MTUS2: variants seen among roughly 807,000 people sequenced by gnomAD.
The protein encoded by MTUS2 is microtubule-associated tumor suppressor candidate 2.
A neutral mutation model predicts 114.1 loss-of-function variants in MTUS2; 40 were observed. The ratio of observed to expected loss-of-function variants is 0.35; its 90% CI spans 0.27 to 0.46. The LOEUF is 0.46. Ranked by LOEUF, MTUS2 falls within the 20% of genes least tolerant of loss-of-function variation. The pLI is 1.00. For missense variants in MTUS2, 1,679 were observed against 1,705.4 expected (o/e 0.98, Z 0.27); for synonymous variants, 688 against 672.0 (o/e 1.02, Z -0.37).
At chr13:28,872,226 G>T (rs998425157) in intron 2 of MTUS2, among the ~76,000 whole-genome samples, 3 of 152,166 alleles carry the variant, frequency 2.0e-5, no homozygotes, top group African/African-American at 7.2e-5. Context: ...GGATAACTTA[G>T]AGGATGTTTT....
intron 4 of MTUS2, among the ~76,000 whole-genome samples, chr13:29,052,605 A>G (rs1299072990): frequency 2.0e-5 from 3 of 152,234 alleles, no homozygotes; most frequent in Non-Finnish European, 2.9e-5. Context: ...GAAATTTCAG[A>G]GGATAAATAG....
chr13:29,223,200 C>T (rs1047239984), intron 5 of MTUS2, among the ~76,000 whole-genome samples: 15 of 152,230 alleles, frequency 9.9e-5, no homozygotes, highest in Middle Eastern at 3.4e-3. Flanking sequence ...TGAGAACTTA[C>T]GGTGCTTTCT....
chr13:28,889,644 A>AT (rs919471897), intron 2 of MTUS2, among the ~76,000 whole-genome samples: 200 of 151,566 alleles, frequency 1.3e-3, no homozygotes, highest in African/African-American at 4.2e-3. Context: ...AAGAAGAGGG[A>AT]TTTTTTTTTC....
intron 9 of MTUS2, among the ~76,000 whole-genome samples, chr13:29,472,677 GA>G (rs1251223580): frequency 6.6e-6 from 1 of 152,130 alleles, no homozygotes; most frequent in Non-Finnish European, 1.5e-5. Context: ...TATCCTAAAT[GA>G]AAAAAGCAAA....
intron 2 of MTUS2, among the ~76,000 whole-genome samples, chr13:28,961,521 TC>T (rs1206258742): frequency 1.3e-5 from 2 of 152,272 alleles, no homozygotes; most frequent in East Asian, 1.9e-4. Context: ...CATCAACTCT[TC>T]CTTCCCACCA....
chr13:29,228,238 A>T (rs2139349335), intron 5 of MTUS2, among the ~76,000 whole-genome samples: 1 of 152,370 alleles, frequency 6.6e-6, no homozygotes, highest in East Asian at 1.9e-4. Context: ...TACTGTACAG[A>T]CATTAAAGAG....
At chr13:28,837,967 T>C (rs1053293016) in intron 1 of MTUS2, among the ~76,000 whole-genome samples, 4 of 149,128 alleles carry the variant, frequency 2.7e-5, no homozygotes, top group African/African-American at 1.0e-4. Context: ...TCTGATTGGA[T>C]GTGAACAAAA....
chr13:29,002,682 G>A (rs936584236), intron 2 of MTUS2, among the ~76,000 whole-genome samples: 6 of 152,280 alleles, frequency 3.9e-5, no homozygotes, highest in Admixed American at 1.3e-4. Flanking sequence ...CCATTAGATC[G>A]TCATGCTGAG....
At chr13:29,271,651 T>C (rs1434716099) in intron 5 of MTUS2, among the ~76,000 whole-genome samples, 3 of 152,248 alleles carry the variant, frequency 2.0e-5, no homozygotes, top group African/African-American at 7.2e-5. Flanking sequence ...AGCTCGTGTG[T>C]TCATCAGTGA....
intron 7 of MTUS2, among the ~76,000 whole-genome samples, chr13:29,344,766 T>C (rs1479551066): frequency 1.3e-5 from 2 of 152,218 alleles, no homozygotes; most frequent in African/African-American, 4.8e-5. Flanking sequence ...CTGTGAGATT[T>C]ATGCTTTAAG....
At chr13:29,385,102 A>G (rs1872546561) in intron 8 of MTUS2, among the ~76,000 whole-genome samples, 1 of 152,218 alleles carries the variant, frequency 6.6e-6, no homozygotes, top group Non-Finnish European at 1.5e-5. Flanking sequence ...ACAGGCTTCC[A>G]GGCTCCAGTT....
chr13:29,471,719 C>A (rs773241868), intron 9 of MTUS2, among the ~76,000 whole-genome samples: 2 of 150,472 alleles, frequency 1.3e-5, no homozygotes, highest in Non-Finnish European at 2.9e-5. Flanking sequence ...AGCTTATGCT[C>A]CAGCCTCTGC....
intron 2 of MTUS2, among the ~76,000 whole-genome samples, chr13:28,853,892 T>C (rs1310565575): frequency 6.6e-6 from 1 of 152,230 alleles, no homozygotes; most frequent in Non-Finnish European, 1.5e-5. Context: ...TCATAGCTAG[T>C]ATTATAACAG....
chr13:29,465,416 T>C (rs1194002531), intron 9 of MTUS2, among the ~76,000 whole-genome samples: 2 of 152,182 alleles, frequency 1.3e-5, no homozygotes, highest in Non-Finnish European at 2.9e-5. Flanking sequence ...AAGCCCATGC[T>C]CTTAGACACT....
At chr13:29,303,294 G>A (rs1158634917) in intron 6 of MTUS2, among the ~76,000 whole-genome samples, 2 of 152,232 alleles carry the variant, frequency 1.3e-5, no homozygotes, top group Admixed American at 6.5e-5. Flanking sequence ...GAACTGGGCT[G>A]AGGCTAAGAT....
intron 5 of MTUS2, among the ~76,000 whole-genome samples, chr13:29,273,554 A>C (rs1256680662): frequency 1.3e-5 from 2 of 152,242 alleles, no homozygotes; most frequent in African/African-American, 4.8e-5. Context: ...TCTTAAAGAC[A>C]TAATTCAAGT....
intron 5 of MTUS2, among the ~76,000 whole-genome samples, chr13:29,204,891 G>A (rs9551619): frequency 0.085 from 12,938 of 152,218 alleles, 718 homozygotes; most frequent in African/African-American, 0.15. Context: ...CCAGTGCCTC[G>A]CCAAATCGGG....
intron 5 of MTUS2, among the ~76,000 whole-genome samples, chr13:29,200,012 T>C (rs998134207): frequency 6.6e-6 from 1 of 152,182 alleles, no homozygotes; most frequent in Non-Finnish European, 1.5e-5. Flanking sequence ...GTAGTTTGTA[T>C]TTCTGTGGGA....
chr13:29,304,058 A>G (rs1222982632), intron 6 of MTUS2, among the ~76,000 whole-genome samples: 2 of 152,188 alleles, frequency 1.3e-5, no homozygotes, highest in African/African-American at 2.4e-5. Context: ...GTGAAGGAGA[A>G]CTAAGATCCT....
Sources: allele counts gnomAD v4.1 joint callset (sites outside exome capture counted in the v4.1 genomes callset), GRCh38; gene constraint gnomAD v4.1.1; transcripts MANE v1.5; gene names NCBI Gene and HGNC (gene_info 2026-07-23, HGNC 2026-07-21).